LAMA1: variants seen among roughly 807,000 people sequenced by gnomAD.
LAMA1 encodes laminin subunit alpha-1.
In LAMA1, 219 loss-of-function variants were observed where a neutral mutation model predicts 348.7. That is an observed-to-expected ratio of 0.63 (90% CI 0.56 to 0.70). LAMA1 has a LOEUF of 0.70. LAMA1 is among the 30% of genes least tolerant of loss of function. The pLI is 0.00. For missense variants in LAMA1, 3,744 were observed against 3,888.0 expected (o/e 0.96, Z 0.99); for synonymous variants, 1,487 against 1,491.0 (o/e 1.00, Z 0.06).
At chr18:6,947,415 C>G in intron 60 of LAMA1, 119 bp from the exon 61 acceptor site, 1 of 1,169,546 alleles carries the variant, frequency 8.6e-7, no homozygotes, top group Non-Finnish European at 1.2e-6. Flanking sequence ...GATCCAGCTG[C>G]ATCCCCACCA....
At chr18:6,958,004 A>G (rs2057588446) in intron 55 of LAMA1, among the ~76,000 whole-genome samples, 1 of 151,792 alleles carries the variant, frequency 6.6e-6, no homozygotes, top group Admixed American at 6.6e-5. Flanking sequence ...CTGGTCTCAA[A>G]CTCCTGACCT....
chr18:6,953,555 A>G (rs1274494609), intron 57 of LAMA1, among the ~76,000 whole-genome samples: 1 of 152,170 alleles, frequency 6.6e-6, no homozygotes, highest in Non-Finnish European at 1.5e-5. Flanking sequence ...AAACTACTCT[A>G]CAGGCACAGA....
chr18:7,079,782 C>T, intron 3 of LAMA1, 193 bp downstream of exon 3: 1 of 612,892 alleles, frequency 1.6e-6, no homozygotes, highest in Non-Finnish European at 2.9e-6. Flanking sequence ...TCCCTGAAGA[C>T]ACCTGGGAAT....
At chr18:7,102,427 A>G in intron 1 of LAMA1, among the ~76,000 whole-genome samples, 1 of 151,308 alleles carries the variant, frequency 6.6e-6, no homozygotes, top group East Asian at 1.9e-4. Context: ...CTTAAAAAAA[A>G]GAAAAACCTC....
intron 42 of LAMA1, among the ~76,000 whole-genome samples, chr18:6,979,714 A>G (rs28375801): frequency 0.75 from 113,930 of 151,596 alleles, 42,984 homozygotes; most frequent in East Asian, 0.84. Flanking sequence ...CCTGGCTAAC[A>G]CGGTGAAACC....
intron 1 of LAMA1, among the ~76,000 whole-genome samples, chr18:7,105,054 G>A (rs908333749): frequency 6.6e-6 from 1 of 152,178 alleles, no homozygotes; most frequent in African/African-American, 2.4e-5. Context: ...GGCTCGTTTT[G>A]TTGGGTGGAA....
chr18:7,037,824 T>C, intron 11 of LAMA1, 73 bp from the exon 12 acceptor site: 1 of 1,462,042 alleles, frequency 6.8e-7, no homozygotes, highest in Non-Finnish European at 9.5e-7. Context: ...GCAGCAGTAA[T>C]ATTTTCACAA....
At chr18:7,000,058 T>C in intron 30 of LAMA1, 61 bp from the exon 31 acceptor site, 1 of 1,213,338 alleles carries the variant, frequency 8.2e-7, no homozygotes, top group Middle Eastern at 1.9e-4. Flanking sequence ...TTCCTTAAGG[T>C]ACTTATTCAT....
chr18:6,957,858 T>C lies in LAMA1; in HGVS notation c.7964+619A>G, dbSNP rs181600307. Among the ~76,000 whole-genome samples, 348 of 152,202 alleles carry C rather than the reference T, an allele frequency of 2.3e-3. 7 individuals are homozygous for C. Among genetic ancestry groups the C allele is most frequent in the Admixed American group, 0.02 (310 of 15,302 alleles). On this transcript the variant is annotated intron_variant, in intron 55 of 62. Coordinates refer to ENST00000389658, the MANE Select transcript of LAMA1 (RefSeq NM_005559.4). The stretch of plus-strand genomic sequence containing the variant: ...CAGCAATGGTGCAATCTCAGCTCAC[T>C]GCACCTCCGCCTCCCGGGTTCAAGT...
Position 7,093,365 on chromosome 18 carries a change from A to G in LAMA1, c.62-12908T>C, listed in dbSNP as rs201942686. Among the ~76,000 whole-genome samples, 529 of 152,182 alleles carry G rather than the reference A, an allele frequency of 3.5e-3. 17 individuals carry two copies. In the East Asian group the frequency reaches 0.085, roughly 25 times the overall value. ...CGGGAGGTGGAGCTTGCAGTGATCCAAGATCGCGCCACTGCACTCCAGCCT... is the reference window on the plus strand; with the variant it reads ...CGGGAGGTGGAGCTTGCAGTGATCCGAGATCGCGCCACTGCACTCCAGCCT... On this transcript the variant is annotated intron_variant, in intron 1 of 62. Coordinates refer to ENST00000389658, the MANE Select transcript of LAMA1 (RefSeq NM_005559.4).
intron 12 of LAMA1, 123 bp downstream of exon 12, chr18:7,037,455 T>A: frequency 9.4e-7 from 1 of 1,060,484 alleles, no homozygotes; most frequent in Non-Finnish European, 1.5e-6. Context: ...GTACAGGCTA[T>A]GAAATGCTGT....
chr18:7,061,106 C>T (rs1333479470), intron 3 of LAMA1, among the ~76,000 whole-genome samples: 4 of 152,118 alleles, frequency 2.6e-5, no homozygotes, highest in African/African-American at 9.7e-5. Context: ...TGCAGTGAGC[C>T]GTGATGGTGC....
chr18:6,961,213 T>C (rs1338707329), intron 53 of LAMA1, among the ~76,000 whole-genome samples: 1 of 152,188 alleles, frequency 6.6e-6, no homozygotes, highest in African/African-American at 2.4e-5. Context: ...TCTTGCTTCA[T>C]CCAGCAGTAG....
chr18:7,051,233 A>C (rs1386809702), intron 3 of LAMA1, among the ~76,000 whole-genome samples: 1 of 152,080 alleles, frequency 6.6e-6, no homozygotes, highest in Non-Finnish European at 1.5e-5. Flanking sequence ...AAGTATGCTC[A>C]TCATATACAC....
In LAMA1 at chr18:7,011,337, A is replaced by T. The variant is rs1173867550; in HGVS notation, c.3650T>A (p.Phe1217Tyr). The T allele has an allele frequency of 6.2e-7, 1 of 1,612,458 alleles. No homozygotes were observed. The highest frequency in any genetic ancestry group is 1.3e-5 in the African/African-American group (1 of 74,892). ...TVRQHIRAEPFYWRLPQQFQG... is the reference protein window; with the variant it reads ...TVRQHIRAEPYYWRLPQQFQG... ...GAACTGCTGCGGCAGCCGCCAGTAA[A>T]ACGGCTCTGCACGGATGTGCTGCCG... The change falls in exon 25 of 63, where the codon TTT (phenylalanine) becomes TAT (tyrosine). Residue 1217 changes from phenylalanine (F) to tyrosine (Y), a missense_variant. Physicochemically the swap from Phe to Tyr is conservative, Grantham distance 22. Coordinates refer to ENST00000389658, the MANE Select transcript of LAMA1 (RefSeq NM_005559.4).
At chr18:7,037,797 C>T in intron 11 of LAMA1, 46 bp from the exon 12 acceptor site, 2 of 1,577,980 alleles carry the variant, frequency 1.3e-6, no homozygotes. Context: ...TAGAACTTAC[C>T]TTAGATTTCA....
chr18:7,018,341 A>AAAAG (rs2057898763), intron 19 of LAMA1, among the ~76,000 whole-genome samples: 1 of 150,194 alleles, frequency 6.7e-6, no homozygotes, highest in Non-Finnish European at 1.5e-5. Flanking sequence ...CATCTCAAAA[A>AAAAG]AAAAAAAAAA....
At chr18:6,991,492 G>C (rs2057758679) in intron 36 of LAMA1, among the ~76,000 whole-genome samples, 1 of 150,166 alleles carries the variant, frequency 6.7e-6, no homozygotes, top group East Asian at 2.0e-4. Flanking sequence ...CCAGGTTCAA[G>C]CAATTCTCCT....
intron 25 of LAMA1, 83 bp downstream of exon 25, chr18:7,011,217 C>T (rs1261303828): frequency 8.2e-6 from 12 of 1,458,700 alleles, no homozygotes; most frequent in Non-Finnish European, 1.1e-5. Flanking sequence ...AAATGACAGG[C>T]CGGCCCAGAC....
Sources: allele counts gnomAD v4.1 joint callset (sites outside exome capture counted in the v4.1 genomes callset), GRCh38; gene constraint gnomAD v4.1.1; transcripts MANE v1.5; gene names NCBI Gene and HGNC (gene_info 2026-07-23, HGNC 2026-07-21).